KCNH7: variants seen among roughly 807,000 people sequenced by gnomAD.
KCNH7 encodes the protein voltage-gated inwardly rectifying potassium channel KCNH7.
In KCNH7, 49 loss-of-function variants were observed where a neutral mutation model predicts 120.8. That is an observed-to-expected ratio of 0.41 (90% CI 0.32 to 0.51). The LOEUF is 0.51. Among genes scored for constraint, KCNH7 ranks in the 20% least tolerant of loss-of-function variants. The pLI is 0.38. For synonymous variants in KCNH7, 547 were observed against 516.1 expected, an observed-to-expected ratio of 1.06 and a Z score of -0.81; for missense variants, 1,097 against 1,446.6, an observed-to-expected ratio of 0.76 and a Z score of 3.92.
intron 3 of KCNH7, among the ~76,000 whole-genome samples, chr2:162,530,331 T>C (rs1019681169): frequency 3.9e-5 from 6 of 152,060 alleles, no homozygotes; most frequent in Non-Finnish European, 8.8e-5. Flanking sequence ...TCACATCTTT[T>C]CCTTTATTTT....
At chr2:162,450,395 G>A (rs553525097) in intron 6 of KCNH7, among the ~76,000 whole-genome samples, 1 of 152,070 alleles carries the variant, frequency 6.6e-6, no homozygotes, top group African/African-American at 2.4e-5. Flanking sequence ...CAAATGTTAT[G>A]GTACTGGTTC....
At chr2:162,448,598 C>T (rs902880739) in intron 6 of KCNH7, among the ~76,000 whole-genome samples, 2 of 152,064 alleles carry the variant, frequency 1.3e-5, no homozygotes, top group South Asian at 4.1e-4. Context: ...TGAGTTTGCT[C>T]ACTGCTTAGG....
At chr2:162,374,689 C>A (rs1273285382) in intron 14 of KCNH7, among the ~76,000 whole-genome samples, 2 of 151,820 alleles carry the variant, frequency 1.3e-5, no homozygotes, top group African/African-American at 4.8e-5. Context: ...CATAATAAAC[C>A]TGGAAAACAT....
chr2:162,637,052 T>C lies in KCNH7; in HGVS notation c.308-99972A>G, dbSNP rs546280013. Among the ~76,000 whole-genome samples the C allele has an allele frequency of 2.6e-5, 4 of 152,242 alleles. No individual in the cohort carries two copies. The South Asian group carries it at 8.3e-4, about 32-fold the overall frequency. ...TCAATCAAGAAAATTCAATATTGGA[T>C]TTTTCTTTCTTCTTTACTCCTCACA... On this transcript the variant is annotated intron_variant, in intron 2 of 15. Transcript: ENST00000332142.
intron 6 of KCNH7, among the ~76,000 whole-genome samples, chr2:162,497,270 G>C (rs1443070788): frequency 6.6e-6 from 1 of 151,980 alleles, no homozygotes; most frequent in Non-Finnish European, 1.5e-5. Context: ...TAAGTAAAAG[G>C]CCATAATCTT....
chr2:162,823,909 T>TTTTTTTTTGAGACGGA (rs1323149636), intron 2 of KCNH7, among the ~76,000 whole-genome samples: 5 of 152,264 alleles, frequency 3.3e-5, no homozygotes, highest in Admixed American at 6.5e-5. Flanking sequence ...ATTTTTTAAT[T>TTTTTTTTTGAGACGGA]GCCATATAAG....
intron 12 of KCNH7, among the ~76,000 whole-genome samples, chr2:162,393,127 G>T (rs1003912053): frequency 6.6e-6 from 1 of 151,978 alleles, no homozygotes; most frequent in Non-Finnish European, 1.5e-5. Flanking sequence ...TTGATGGAGA[G>T]GTTGTGAGAA....
intron 2 of KCNH7, among the ~76,000 whole-genome samples, chr2:162,658,988 G>T (rs1441355543): frequency 6.6e-6 from 1 of 152,028 alleles, no homozygotes; most frequent in Admixed American, 6.6e-5. Flanking sequence ...GCATTAGTTA[G>T]GATTTCCAGT....
intron 8 of KCNH7, among the ~76,000 whole-genome samples, chr2:162,423,898 A>G (rs1488953087): frequency 1.3e-5 from 2 of 152,218 alleles, no homozygotes; most frequent in Non-Finnish European, 2.9e-5. Context: ...CTTGAAAAAA[A>G]TATGAGGCAA....
chr2:162,715,979 C>T (rs1037389232), intron 2 of KCNH7, among the ~76,000 whole-genome samples: 3 of 139,506 alleles, frequency 2.2e-5, no homozygotes, highest in Admixed American at 6.9e-5. Context: ...TGTGTGTGTG[C>T]ACACCACACT....
At chr2:162,490,283 G>A (rs1366002974) in intron 6 of KCNH7, among the ~76,000 whole-genome samples, 5 of 152,218 alleles carry the variant, frequency 3.3e-5, no homozygotes, top group Non-Finnish European at 7.3e-5. Context: ...TATGCAAACA[G>A]GGAACCCAGC....
intron 6 of KCNH7, among the ~76,000 whole-genome samples, chr2:162,504,106 A>G (rs956158773): frequency 6.6e-6 from 1 of 152,022 alleles, no homozygotes; most frequent in Non-Finnish European, 1.5e-5. Context: ...AGACACATCC[A>G]TTATATTAAA....
chr2:162,703,262 C>T (rs796361032), intron 2 of KCNH7, among the ~76,000 whole-genome samples: 15 of 152,024 alleles, frequency 9.9e-5, no homozygotes, highest in Admixed American at 2.6e-4. Context: ...ATTTGAGACA[C>T]CTAAATTACA....
chr2:162,430,160 G>A (rs190959384), intron 8 of KCNH7, among the ~76,000 whole-genome samples: 20 of 151,936 alleles, frequency 1.3e-4, no homozygotes, highest in African/African-American at 1.4e-4. Flanking sequence ...GCCCTAGTAC[G>A]ACAGCACTAT....
At chr2:162,833,801 C>T (rs1045240714) in intron 2 of KCNH7, among the ~76,000 whole-genome samples, 2 of 152,046 alleles carry the variant, frequency 1.3e-5, no homozygotes, top group Admixed American at 6.6e-5. Context: ...GCCACTTTAG[C>T]GAACAAGCTT....
chr2:162,527,718 T>G (rs1691761626), intron 3 of KCNH7, among the ~76,000 whole-genome samples: 1 of 151,998 alleles, frequency 6.6e-6, no homozygotes, highest in South Asian at 2.1e-4. Flanking sequence ...TAAAATCCTC[T>G]TTGATTTGGA....
chr2:162,797,628 C>G (rs911674580), intron 2 of KCNH7: 5 of 152,152 alleles, frequency 3.3e-5, no homozygotes, highest in African/African-American at 7.2e-5. Flanking sequence ...GGTTTGCAAA[C>G]CCTTGATCTG....
chr2:162,684,681 TA>T (rs1395378651), intron 2 of KCNH7, among the ~76,000 whole-genome samples: 1 of 152,058 alleles, frequency 6.6e-6, no homozygotes, highest in Admixed American at 6.6e-5. Context: ...TGGTGATCAT[TA>T]AAAAGTCAGG....
intron 2 of KCNH7, among the ~76,000 whole-genome samples, chr2:162,565,644 G>A (rs1183990693): frequency 6.6e-6 from 1 of 151,998 alleles, no homozygotes; most frequent in African/African-American, 2.4e-5. Context: ...TGTTTCCATC[G>A]TTAAATACAT....
Sources: allele counts gnomAD v4.1 joint callset (sites outside exome capture counted in the v4.1 genomes callset), GRCh38; gene constraint gnomAD v4.1.1; transcripts MANE v1.5; gene names NCBI Gene and HGNC (gene_info 2026-07-23, HGNC 2026-07-21).